Variants in ANTXR1 observed in about 807,000 individuals in gnomAD.
ANTXR1 encodes the protein ANTXR cell adhesion molecule 1.
Under a neutral mutation model 78.1 loss-of-function variants are expected in ANTXR1, and 19 were observed. That is an observed-to-expected ratio of 0.24 (90% CI 0.17 to 0.36). The LOEUF (loss-of-function observed/expected upper bound fraction) is 0.36. ANTXR1 is among the 10% of genes least tolerant of loss of function. The pLI, the probability that ANTXR1 is intolerant of heterozygous loss-of-function variation, is 1.00. For synonymous variants in ANTXR1, 273 were observed against 260.5 expected, an observed-to-expected ratio of 1.05 and a Z score of -0.46; for missense variants, 518 against 718.6, an observed-to-expected ratio of 0.72 and a Z score of 3.19.
intron 10 of ANTXR1, among the ~76,000 whole-genome samples, chr2:69,105,095 A>T (rs985279182): frequency 6.6e-6 from 1 of 152,216 alleles, no homozygotes; most frequent in Non-Finnish European, 1.5e-5. Flanking sequence ...AAATAATAAT[A>T]GGAAGAAGAT....
intron 1 of ANTXR1, among the ~76,000 whole-genome samples, chr2:69,027,388 C>A (rs1462107072): frequency 6.6e-6 from 1 of 152,152 alleles, no homozygotes; most frequent in Non-Finnish European, 1.5e-5. Context: ...GAAGTAGAGG[C>A]CAGGCCAAAG....
intron 1 of ANTXR1, among the ~76,000 whole-genome samples, chr2:69,016,696 T>C (rs1671036194): frequency 6.6e-6 from 1 of 152,246 alleles, no homozygotes; most frequent in African/African-American, 2.4e-5. Context: ...TATTTACCAA[T>C]ATGGTACTAC....
At chr2:69,237,878 G>A (rs1004608856) in intron 17 of ANTXR1, among the ~76,000 whole-genome samples, 33 of 152,262 alleles carry the variant, frequency 2.2e-4, no homozygotes, top group Middle Eastern at 3.4e-3. Context: ...GTGTGCACAC[G>A]TGTATGAATT....
At chr2:69,209,800 T>C (rs906707102) in intron 17 of ANTXR1, among the ~76,000 whole-genome samples, 5 of 152,204 alleles carry the variant, frequency 3.3e-5, no homozygotes, top group African/African-American at 9.6e-5. Context: ...GCAGGGGAGA[T>C]GGCCATGCAG....
chr2:69,104,269 T>C (rs981599256), intron 10 of ANTXR1, among the ~76,000 whole-genome samples: 1 of 152,134 alleles, frequency 6.6e-6, no homozygotes, highest in Non-Finnish European at 1.5e-5. Flanking sequence ...GGTTATCTTG[T>C]TTTTAAAGAA....
intron 17 of ANTXR1, among the ~76,000 whole-genome samples, chr2:69,231,415 G>A (rs960877188): frequency 6.6e-6 from 1 of 151,926 alleles, no homozygotes; most frequent in African/African-American, 2.4e-5. Flanking sequence ...TAGGAAGGGT[G>A]CCAAGTTCAG....
At chr2:69,186,455 C>T (rs570891447) in intron 16 of ANTXR1, among the ~76,000 whole-genome samples, 5 of 152,350 alleles carry the variant, frequency 3.3e-5, no homozygotes, top group Admixed American at 3.3e-4. Context: ...GTACCATAAA[C>T]TCTGCTTCCC....
chr2:69,167,701 A>G (rs757438298), intron 13 of ANTXR1, among the ~76,000 whole-genome samples: 7 of 152,190 alleles, frequency 4.6e-5, no homozygotes, highest in Non-Finnish European at 7.4e-5. Flanking sequence ...TGCTGAACAT[A>G]ACCAGAAGCC....
chr2:69,082,356 G>A (rs1189985154), intron 8 of ANTXR1, among the ~76,000 whole-genome samples: 3 of 152,112 alleles, frequency 2.0e-5, no homozygotes, highest in Non-Finnish European at 1.5e-5. Flanking sequence ...ACTCGCTTCT[G>A]CAGAATATGG....
Position 69,215,553 on chromosome 2 carries a change from T to A in ANTXR1, c.1434+22138T>A, listed in dbSNP as rs377141923. On this transcript the variant is annotated intron_variant, in intron 17 of 17. Transcript: ENST00000303714. ...GGTTTATTCACTACTACATCCCAGC[T>A]ATGATAGGCACTCAGTGAATAATTA... Among the ~76,000 whole-genome samples the A allele has an allele frequency of 3.8e-4, 58 of 152,340 alleles. 2 individuals carry two copies. The South Asian group carries it at 0.012, about 30-fold the overall frequency.
intron 12 of ANTXR1, among the ~76,000 whole-genome samples, chr2:69,135,826 G>A (rs1672894345): frequency 6.6e-6 from 1 of 151,970 alleles, no homozygotes; most frequent in African/African-American, 2.4e-5. Flanking sequence ...AGATCAAGCA[G>A]CCAAAAGAAT....
intron 3 of ANTXR1, among the ~76,000 whole-genome samples, chr2:69,070,387 A>C (rs917109890): frequency 5.3e-5 from 8 of 152,158 alleles, no homozygotes; most frequent in African/African-American, 1.7e-4. Flanking sequence ...ACATTGTGTT[A>C]AGGGAAAGGA....
intron 16 of ANTXR1, among the ~76,000 whole-genome samples, chr2:69,190,428 T>C (rs183333643): frequency 1.6e-3 from 243 of 152,348 alleles, no homozygotes; most frequent in Non-Finnish European, 2.9e-3. Context: ...TCCTACACTC[T>C]GTATTACATT....
intron 3 of ANTXR1, among the ~76,000 whole-genome samples, chr2:69,059,951 G>A (rs1670185855): frequency 6.6e-6 from 1 of 152,162 alleles, no homozygotes; most frequent in Admixed American, 6.5e-5. Context: ...GCACAAATGT[G>A]TGACCAATGA....
At chr2:69,024,085 A>G (rs1281136931) in intron 1 of ANTXR1, among the ~76,000 whole-genome samples, 1 of 152,240 alleles carries the variant, frequency 6.6e-6, no homozygotes, top group Non-Finnish European at 1.5e-5. Context: ...AAGGAAAAAA[A>G]TAATAAATGA....
chr2:69,207,466 AAG>A (rs1174144833), intron 17 of ANTXR1, among the ~76,000 whole-genome samples: 6 of 152,326 alleles, frequency 3.9e-5, no homozygotes, highest in South Asian at 2.1e-4. Flanking sequence ...GCACTGCCCG[AAG>A]AGAGAGAAAA....
chr2:69,129,291 T>C (rs1672647766), intron 12 of ANTXR1, among the ~76,000 whole-genome samples: 1 of 152,232 alleles, frequency 6.6e-6, no homozygotes, highest in Non-Finnish European at 1.5e-5. Context: ...GAACTTTTCA[T>C]GAAGATTGTT....
At chr2:69,137,881 C>T (rs1194981448) in intron 12 of ANTXR1, among the ~76,000 whole-genome samples, 3 of 150,594 alleles carry the variant, frequency 2.0e-5, no homozygotes, top group Admixed American at 6.6e-5. Context: ...GTCAGGAGTT[C>T]GAGATCAGCC....
intron 9 of ANTXR1, 24 bp downstream of exon 9, chr2:69,090,943 T>G: frequency 1.7e-5 from 28 of 1,607,326 alleles, no homozygotes; most frequent in Non-Finnish European, 2.4e-5. Flanking sequence ...AAATGCTAAT[T>G]GCTTTCATAC....
Sources: gnomAD v4.1 joint callset for allele counts (sites outside exome capture counted in the v4.1 genomes callset) on GRCh38, gnomAD v4.1.1 for gene constraint, MANE v1.5 for transcripts, NCBI Gene and HGNC (gene_info 2026-07-23, HGNC 2026-07-21) for gene names.